The following LRP1B variants were observed in gnomAD, a reference collection of about 807,000 sequenced individuals.
LRP1B encodes LDL receptor related protein 1B.
A neutral mutation model predicts 556.6 loss-of-function variants in LRP1B; 217 were observed. The ratio of observed to expected loss-of-function variants is 0.39; its 90% CI spans 0.35 to 0.44. LRP1B has a LOEUF of 0.44. LRP1B is among the 20% of genes least tolerant of loss of function. LRP1B has a pLI of 1.00. For synonymous variants in LRP1B, 2,047 were observed against 1,865.8 expected (o/e 1.10, Z -2.50); for missense variants, 5,053 against 5,620.8 (o/e 0.90, Z 3.23).
chr2:141,001,118 C>T (rs1697408770), intron 15 of LRP1B, among the ~76,000 whole-genome samples: 1 of 152,022 alleles, frequency 6.6e-6, no homozygotes. Flanking sequence ...AGTCCCCTCC[C>T]CCTGTAACTT....
intron 32 of LRP1B, among the ~76,000 whole-genome samples, chr2:140,803,602 C>A (rs1463407648): frequency 1.3e-5 from 2 of 151,844 alleles, no homozygotes; most frequent in Non-Finnish European, 2.9e-5. Flanking sequence ...CTGGCTGGAA[C>A]TTTTATTTTA....
intron 27 of LRP1B, among the ~76,000 whole-genome samples, chr2:140,861,261 G>A (rs1692788675): frequency 6.6e-6 from 1 of 151,988 alleles, no homozygotes; most frequent in Non-Finnish European, 1.5e-5. Flanking sequence ...ACAAAAATTA[G>A]CTGGACAAGG....
intron 2 of LRP1B, among the ~76,000 whole-genome samples, chr2:141,742,372 C>T (rs1415320567): frequency 6.6e-6 from 1 of 151,904 alleles, no homozygotes; most frequent in East Asian, 1.9e-4. Flanking sequence ...CTGCCTCAGC[C>T]TCTCGAGTAG....
Position 142,130,906 on chromosome 2 carries a change from G to A in LRP1B, c.-177C>T. ...GCCAGTCAGCCTTCTCCTGCCTGGAGCAGGATGTGGAAGGTGGAGGGATGC... is the reference window on the plus strand; with the variant it reads ...GCCAGTCAGCCTTCTCCTGCCTGGAACAGGATGTGGAAGGTGGAGGGATGC... On this transcript the variant is annotated 5_prime_UTR_variant, in exon 1 of 91. Coordinates refer to ENST00000389484, the MANE Select transcript of LRP1B (RefSeq NM_018557.3). The A allele has an allele frequency of 4.6e-6, 3 of 658,808 alleles. No individual in the cohort carries two copies. Among genetic ancestry groups the A allele is most frequent in the South Asian group, 3.3e-5 (2 of 61,356 alleles). 40.8% of individuals were successfully genotyped at this position (658,808 alleles called of 1,614,324 possible). A position where few individuals can be genotyped will look rare whatever the true frequency, so the allele number is the denominator to read the frequency against.
chr2:141,013,386 A>G (rs544408725), intron 14 of LRP1B, among the ~76,000 whole-genome samples, 170 bp downstream of exon 14: 4 of 152,176 alleles, frequency 2.6e-5, no homozygotes, highest in Admixed American at 2.6e-4. Flanking sequence ...ATTTAGAACA[A>G]CAAAAAGTAA....
chr2:141,337,696 T>C (rs1687898968), intron 3 of LRP1B, among the ~76,000 whole-genome samples: 2 of 152,230 alleles, frequency 1.3e-5, no homozygotes, highest in Admixed American at 1.3e-4. Flanking sequence ...AACCAGTAAG[T>C]TGTTAATATG....
intron 1 of LRP1B, among the ~76,000 whole-genome samples, chr2:141,834,496 T>A (rs1558907012): frequency 6.6e-6 from 1 of 151,808 alleles, no homozygotes; most frequent in Non-Finnish European, 1.5e-5. Flanking sequence ...GGTGCAGGTG[T>A]TTTTCTGAGT....
intron 1 of LRP1B, among the ~76,000 whole-genome samples, chr2:142,102,558 AAAT>A (rs201443798): frequency 0.087 from 11,007 of 126,950 alleles, 491 homozygotes; most frequent in Admixed American, 0.12. Context: ...TAAAATAAAA[AAAT>A]AAAAAAGTAA....
chr2:140,619,281 A>G (rs1683369055), intron 41 of LRP1B, among the ~76,000 whole-genome samples: 1 of 152,144 alleles, frequency 6.6e-6, no homozygotes, highest in Non-Finnish European at 1.5e-5. Context: ...AACTGCTTGT[A>G]TTTCCTAAGT....
intron 89 of LRP1B, among the ~76,000 whole-genome samples, chr2:140,237,930 C>A (rs1478484011): frequency 2.0e-5 from 3 of 150,570 alleles, no homozygotes; most frequent in Non-Finnish European, 4.5e-5. Flanking sequence ...AAGAACTGAG[C>A]AAATAAATAT....
chr2:140,885,529 A>G (rs553298911), intron 24 of LRP1B, among the ~76,000 whole-genome samples: 1 of 151,624 alleles, frequency 6.6e-6, no homozygotes, highest in African/African-American at 2.4e-5. Flanking sequence ...TTTTGTATTT[A>G]TAGTAGAGAT....
intron 84 of LRP1B, among the ~76,000 whole-genome samples, chr2:140,287,071 AT>A (rs1683180135): frequency 2.0e-5 from 3 of 151,890 alleles, no homozygotes; most frequent in South Asian, 4.1e-4. Context: ...GAATATTTTA[AT>A]TCTGCATCTT....
intron 1 of LRP1B, among the ~76,000 whole-genome samples, chr2:141,842,358 TAGTC>T (rs1216695845): frequency 3.9e-5 from 6 of 152,070 alleles, no homozygotes; most frequent in East Asian, 3.9e-4. Context: ...GGAATGTTCT[TAGTC>T]AGTGTTTTGC....
intron 35 of LRP1B, among the ~76,000 whole-genome samples, chr2:140,726,500 T>G (rs1330423009): frequency 6.6e-6 from 1 of 152,164 alleles, no homozygotes; most frequent in African/African-American, 2.4e-5. Flanking sequence ...GCTGGCTACA[T>G]TCCTGTTTGC....
chr2:141,175,475 G>A (rs1714261), intron 7 of LRP1B, among the ~76,000 whole-genome samples: 449 of 152,254 alleles, frequency 2.9e-3, no homozygotes, highest in African/African-American at 0.01. Flanking sequence ...TCACATCATT[G>A]CATCAGAGGG....
chr2:141,262,394 C>A (rs1025243353), intron 3 of LRP1B, among the ~76,000 whole-genome samples: 5 of 151,912 alleles, frequency 3.3e-5, no homozygotes, highest in African/African-American at 1.2e-4. Context: ...TCTTTGCATT[C>A]TCTTATTACT....
At chr2:140,999,598 A>C (rs563802612) in intron 15 of LRP1B, among the ~76,000 whole-genome samples, 1 of 152,212 alleles carries the variant, frequency 6.6e-6, no homozygotes, top group African/African-American at 2.4e-5. Flanking sequence ...TGGGTTATTT[A>C]GAAATAAATA....
intron 7 of LRP1B, among the ~76,000 whole-genome samples, chr2:141,158,461 G>C (rs541511691): frequency 6.6e-6 from 1 of 152,200 alleles, no homozygotes; most frequent in African/African-American, 2.4e-5. Flanking sequence ...GCTTGTGATA[G>C]AAAGCAGCAC....
At chr2:141,357,333 A>C (rs938689639) in intron 3 of LRP1B, among the ~76,000 whole-genome samples, 1 of 152,110 alleles carries the variant, frequency 6.6e-6, no homozygotes, top group Non-Finnish European at 1.5e-5. Flanking sequence ...CTTTTTGATG[A>C]AGGTTTTTCC....
Sources: allele counts gnomAD v4.1 joint callset (sites outside exome capture counted in the v4.1 genomes callset), GRCh38; gene constraint gnomAD v4.1.1; transcripts MANE v1.5; gene names NCBI Gene and HGNC (gene_info 2026-07-23, HGNC 2026-07-21).